BCKDHB: variants seen among roughly 807,000 people sequenced by gnomAD.
BCKDHB encodes the protein branched chain keto acid dehydrogenase E1 subunit beta, also known as 2-oxoisovalerate dehydrogenase subunit beta, mitochondrial.
In BCKDHB, 41 loss-of-function variants were observed where a neutral mutation model predicts 48.5. The observed-to-expected ratio is 0.85, with a 90% confidence interval of 0.66 to 1.10. The LOEUF (loss-of-function observed/expected upper bound fraction) is 1.10. Among genes scored for constraint, BCKDHB ranks in the 50% least tolerant of loss-of-function variants. The pLI is 0.00. For synonymous variants in BCKDHB, 201 were observed against 174.8 expected, an observed-to-expected ratio of 1.15 and a Z score of -1.18; for missense variants, 496 against 494.2, an observed-to-expected ratio of 1.00 and a Z score of -0.03.
intron 9 of BCKDHB, among the ~76,000 whole-genome samples, chr6:80,282,171 A>G (rs1766359574): frequency 6.6e-6 from 1 of 152,206 alleles, no homozygotes; most frequent in Non-Finnish European, 1.5e-5. Flanking sequence ...GATTAGTTTT[A>G]TAACTATAGC....
chr6:80,300,053 CTTT>C (rs879942206), intron 9 of BCKDHB, among the ~76,000 whole-genome samples: 1 of 143,636 alleles, frequency 7.0e-6, no homozygotes. Flanking sequence ...AGCCACTAGT[CTTT>C]TTTTTTTTTT....
intron 8 of BCKDHB, among the ~76,000 whole-genome samples, chr6:80,235,267 C>T (rs1313664181): frequency 2.0e-5 from 3 of 151,882 alleles, no homozygotes; most frequent in Non-Finnish European, 4.4e-5. Flanking sequence ...GCATATGTGC[C>T]CCATAAATAT....
chr6:80,113,471 T>C lies in BCKDHB; in HGVS notation c.196+6582T>C, dbSNP rs528124254. ...GAAAACTCTTGGTTTCACTGGAGTGTGGCCCCGGCCAGAAACCTGCAGTTG... is the reference window on the plus strand; with the variant it reads ...GAAAACTCTTGGTTTCACTGGAGTGCGGCCCCGGCCAGAAACCTGCAGTTG... On this transcript the variant is annotated intron_variant, in intron 1 of 9. Transcript: ENST00000320393. Among the ~76,000 whole-genome samples, 4 of 152,356 alleles carry C rather than the reference T, an allele frequency of 2.6e-5. No individual in the cohort carries two copies. The South Asian group carries it at 6.2e-4, about 24-fold the overall frequency.
chr6:80,288,775 T>A (rs1332277075), intron 9 of BCKDHB, among the ~76,000 whole-genome samples: 1 of 152,118 alleles, frequency 6.6e-6, no homozygotes, highest in Non-Finnish European at 1.5e-5. Context: ...CATATATATG[T>A]GTATTTTTTT....
chr6:80,381,735 A>G, the BCKDHB span, among the ~76,000 whole-genome samples: 6 of 152,238 alleles, frequency 3.9e-5, no homozygotes, highest in South Asian at 1.2e-3. Context: ...ACTACCAGCC[A>G]CAATGTTTCT....
At chr6:80,191,743 CTT>C (rs1451694027) in intron 6 of BCKDHB, among the ~76,000 whole-genome samples, 5 of 152,112 alleles carry the variant, frequency 3.3e-5, no homozygotes, top group Non-Finnish European at 5.9e-5. Context: ...GTTGAAGACT[CTT>C]TTGACAAGGA....
At chr6:80,299,408 G>T (rs182424649) in intron 9 of BCKDHB, among the ~76,000 whole-genome samples, 1 of 152,046 alleles carries the variant, frequency 6.6e-6, no homozygotes, top group Non-Finnish European at 1.5e-5. Context: ...CCTTTGGTTC[G>T]GGGGTTTCCT....
chr6:80,207,467 A>C lies in BCKDHB; in HGVS notation c.951+4255A>C, dbSNP rs183881334. Among the ~76,000 whole-genome samples the C allele has an allele frequency of 1.4e-3, 210 of 151,986 alleles. 1 individual carries two copies. The highest frequency in any genetic ancestry group is 1.9e-3 in the South Asian group (9 of 4,828). On this transcript the variant is annotated intron_variant, in intron 8 of 9. Transcript: ENST00000320393. Reference sequence around the variant, plus strand: ...AATATTTGGTTAATCCAAAATAAATAAGTATGAAAAATGGATGGGTCAATA... The same window carrying C: ...AATATTTGGTTAATCCAAAATAAATCAGTATGAAAAATGGATGGGTCAATA...
At chr6:80,180,362 G>A (rs914486080) in intron 6 of BCKDHB, among the ~76,000 whole-genome samples, 1 of 152,128 alleles carries the variant, frequency 6.6e-6, no homozygotes, top group Admixed American at 6.5e-5. Flanking sequence ...AGATAAGGCA[G>A]AAAAATCCAG....
intron 8 of BCKDHB, among the ~76,000 whole-genome samples, chr6:80,241,210 A>G (rs899680496): frequency 6.6e-6 from 1 of 152,120 alleles, no homozygotes; most frequent in African/African-American, 2.4e-5. Flanking sequence ...CCTTTAGCTC[A>G]GAGAAGTTTG....
the BCKDHB span, among the ~76,000 whole-genome samples, chr6:80,367,834 TG>T: frequency 0.96 from 145,574 of 152,324 alleles, 69,925 homozygotes; most frequent in Middle Eastern, 1. Context: ...CCAGGAATGG[TG>T]GGGCATGCAC....
In BCKDHB at chr6:80,288,419, C is replaced by G. The variant is rs72896489; in HGVS notation, c.1038+15198C>G. Among the ~76,000 whole-genome samples the G allele has an allele frequency of 2.7e-3, 406 of 152,142 alleles. 2 individuals are homozygous for G. The highest frequency in any genetic ancestry group is 4.7e-3 in the Non-Finnish European group (320 of 67,994). On this transcript the variant is annotated intron_variant, in intron 9 of 9. Coordinates refer to ENST00000320393, the MANE Select transcript of BCKDHB (RefSeq NM_183050.4). ...AAAAATTTGTTTAATGGCATACTGACATGTTGTTATTCATCAACCTTAGGG... is the reference window on the plus strand; with the variant it reads ...AAAAATTTGTTTAATGGCATACTGAGATGTTGTTATTCATCAACCTTAGGG...
intron 6 of BCKDHB, 64 bp downstream of exon 6, chr6:80,171,454 A>T: frequency 1.9e-5 from 18 of 928,196 alleles, no homozygotes; most frequent in Non-Finnish European, 2.9e-5. Flanking sequence ...TATAGCTCTA[A>T]AAGTTATATC....
intron 9 of BCKDHB, among the ~76,000 whole-genome samples, chr6:80,327,641 C>T (rs181356255): frequency 4.6e-5 from 7 of 152,196 alleles, no homozygotes; most frequent in African/African-American, 1.7e-4. Context: ...TTTTCTCTGC[C>T]CTCTCTGTAC....
chr6:80,231,514 A>C (rs973485286), intron 8 of BCKDHB, among the ~76,000 whole-genome samples: 2 of 152,168 alleles, frequency 1.3e-5, no homozygotes, highest in Non-Finnish European at 2.9e-5. Context: ...AAACAGGGCA[A>C]AGAACAGTTT....
chr6:80,107,511 G>A (rs1371545733), intron 1 of BCKDHB, among the ~76,000 whole-genome samples: 1 of 36,232 alleles, frequency 2.8e-5, no homozygotes, highest in African/African-American at 1.3e-4. Context: ...ATATATATGT[G>A]CGCATATATA....
At chr6:80,409,601 T>C in the BCKDHB span, among the ~76,000 whole-genome samples, 1 of 61,184 alleles carries the variant, frequency 1.6e-5, no homozygotes, top group Non-Finnish European at 2.8e-5. Context: ...TATATATATA[T>C]ATATATATAT....
rs550253514 is a variant in BCKDHB at position 80,345,355 on chromosome 6, A to T, written c.*1551A>T. The stretch of plus-strand genomic sequence containing the variant: ...CAAAATCAACTCTGTATAATAGCAC[A>T]TTCTCTACTTTTTAAAGATCAGAAA... On this transcript the variant is annotated 3_prime_UTR_variant, in exon 10 of 10. Transcript: ENST00000320393. 2.0e-5 allele frequency: 3 copies of T among 152,324 alleles called. No individual in the cohort carries two copies. In the East Asian group the frequency reaches 5.8e-4, roughly 29 times the overall value. 9.4% of individuals were successfully genotyped at this position (152,324 alleles called of 1,614,324 possible). A position where few individuals can be genotyped will look rare whatever the true frequency, so the allele number is the denominator to read the frequency against.
the BCKDHB span, among the ~76,000 whole-genome samples, chr6:80,405,954 C>G: frequency 2.0e-5 from 3 of 152,082 alleles, no homozygotes; most frequent in African/African-American, 7.2e-5. Context: ...TTAGGTATTT[C>G]TCCTAATGCT....
Sources: gnomAD v4.1 joint callset for allele counts (sites outside exome capture counted in the v4.1 genomes callset) on GRCh38, gnomAD v4.1.1 for gene constraint, MANE v1.5 for transcripts, NCBI Gene and HGNC (gene_info 2026-07-23, HGNC 2026-07-21) for gene names.